The following DOHH variants were observed in gnomAD, a reference collection of about 807,000 sequenced individuals.
The protein encoded by DOHH is deoxyhypusine hydroxylase, also known as HEAT-like (PBS lyase) repeat containing 1.
Under a neutral mutation model 19.9 loss-of-function variants are expected in DOHH, and 16 were observed. The observed-to-expected ratio is 0.80, with a 90% CI of 0.54 to 1.22. DOHH has a LOEUF of 1.22. Ranked by LOEUF, DOHH falls within the 50% of genes most tolerant of loss-of-function variation. DOHH has a pLI of 0.00. For synonymous variants in DOHH, 233 were observed against 217.0 expected (o/e 1.07, Z -0.65); for missense variants, 460 against 460.6 (o/e 1.00, Z 0.01).
At position 3,491,226 on chromosome 19, in the gene DOHH, G is replaced by C. The variant is rs955457796; in HGVS notation, c.*266C>G. ...CCCCTGTCCTGAGCCGGGCATCCCA[G>C]AGCCTCCCGCAGAGTCCCACCCCAA... is the stretch of plus-strand genomic sequence containing the variant. On this transcript the variant is annotated 3_prime_UTR_variant, in exon 5 of 5. Coordinates refer to ENST00000427575, the MANE Select transcript of DOHH (RefSeq NM_001145165.2). The surrounding 1 kb of genome is among the most constrained non-coding windows in gnomAD (Gnocchi z 5.6). The C allele has an allele frequency of 2.4e-5, 13 of 536,202 alleles. No individual in the cohort carries two copies. Among genetic ancestry groups the C allele is most frequent in the Non-Finnish European group, 4.2e-5 (13 of 308,426 alleles). 33.2% of individuals were successfully genotyped at this position (536,202 alleles called of 1,614,324 possible). A position where few individuals can be genotyped will look rare whatever the true frequency, so the allele number is the denominator to read the frequency against.
At chr19:3,495,307 C>T (rs2082900333) in intron 2 of DOHH, among the ~76,000 whole-genome samples, 1 of 152,080 alleles carries the variant, frequency 6.6e-6, no homozygotes, top group Admixed American at 6.6e-5. Context: ...GACAGGGTCT[C>T]ACTCTGTTGC....
In DOHH at chr19:3,492,465, AGCCTGC is replaced by A; in HGVS notation, c.380_385del (p.Arg127_Arg128del). 7.0e-7 allele frequency: 1 copy of A among 1,432,370 alleles called. No individual in the cohort carries two copies. Among genetic ancestry groups the A allele is most frequent in the Non-Finnish European group, 9.1e-7 (1 of 1,099,106 alleles). The allele number at this position is 1,432,370 out of a possible 1,614,324, so 88.7% of individuals were successfully genotyped here. On this transcript the variant is annotated inframe_deletion, in exon 4 of 5. Coordinates refer to ENST00000427575, the MANE Select transcript of DOHH (RefSeq NM_001145165.2). Reference sequence around the variant, plus strand: ...CCCGCCGTGCTGCTGCAGCCACTCCAGCCTGCGCACGGCCAGCTGGCAGGTCTCGGC... The same window carrying A: ...CCCGCCGTGCTGCTGCAGCCACTCCAGCACGGCCAGCTGGCAGGTCTCGGC...
Position 3,496,974 on chromosome 19 carries a change from C to T in DOHH, c.-72-88G>A. 1.1e-6 allele frequency: 1 copy of T among 912,196 alleles called. No individual in the cohort carries two copies. The highest frequency in any genetic ancestry group is 1.5e-6 in the Non-Finnish European group (1 of 679,962). The allele number at this position is 912,196 out of a possible 1,614,324, so 56.5% of individuals were successfully genotyped here. Reference sequence around the variant, plus strand: ...AGGACCTGGGTGGGGCAAATTCCTACCCACTGACCAACCTGAGCATCTACG... The same window carrying T: ...AGGACCTGGGTGGGGCAAATTCCTATCCACTGACCAACCTGAGCATCTACG... On this transcript the variant is annotated intron_variant, in intron 1 of 4. Transcript: ENST00000427575. The surrounding 1 kb of genome is among the most constrained non-coding windows in gnomAD (Gnocchi z 4.8).
At chr19:3,495,942 T>C (rs1176499983) in intron 2 of DOHH, among the ~76,000 whole-genome samples, 1 of 152,020 alleles carries the variant, frequency 6.6e-6, no homozygotes, top group Non-Finnish European at 1.5e-5. Context: ...AAACAAAAAA[T>C]CAAAGGGATA....
chr19:3,493,597 C>A (rs8108177), intron 3 of DOHH, among the ~76,000 whole-genome samples: 44 of 150,304 alleles, frequency 2.9e-4, no homozygotes, highest in Non-Finnish European at 5.3e-4. Flanking sequence ...GGCGACAGAG[C>A]GAGACACCGT....
Position 3,491,506 on chromosome 19 carries a change from C to G in DOHH, c.895G>C (p.Gly299Arg). ...AGGGTGGGGCCCTAGGAGGGGGCCC[C>G]GCGCAGCTGCTCCAGGCCGTCCGCG... ...QYADGLEQLR[G>R]APS Residue 299 changes from glycine (G) to arginine (R), a missense_variant, in exon 5 of 5, where the codon GGG (glycine) becomes CGG (arginine). By Grantham distance (125) the Gly-to-Arg change is moderately radical (BLOSUM62 -2). Transcript: ENST00000427575. The surrounding 1 kb of genome is among the most constrained non-coding windows in gnomAD (Gnocchi z 5.6). 6.5e-7 allele frequency: 1 copy of G among 1,534,232 alleles called. No individual in the cohort carries two copies. Among genetic ancestry groups the G allele is most frequent in the Non-Finnish European group, 8.7e-7 (1 of 1,146,312 alleles).
intron 1 of DOHH, among the ~76,000 whole-genome samples, chr19:3,497,222 T>C (rs1474165863): frequency 6.6e-6 from 1 of 152,090 alleles, no homozygotes; most frequent in Non-Finnish European, 1.5e-5. Flanking sequence ...CCCCACCCAA[T>C]ATTCAAGGCT....
intron 3 of DOHH, among the ~76,000 whole-genome samples, chr19:3,493,392 G>A (rs539982024): frequency 6.6e-6 from 1 of 152,314 alleles, no homozygotes; most frequent in African/African-American, 2.4e-5. Flanking sequence ...GGTGGATCAC[G>A]AGGTCAGGAG....
intron 1 of DOHH, among the ~76,000 whole-genome samples, chr19:3,498,717 A>G (rs2082928095): frequency 1.3e-5 from 2 of 152,098 alleles, no homozygotes; most frequent in Admixed American, 6.5e-5. Context: ...TAACGAAGGA[A>G]TTCTTAATGT....
intron 2 of DOHH, among the ~76,000 whole-genome samples, chr19:3,495,130 C>T (rs1013352661): frequency 2.0e-5 from 3 of 152,074 alleles, no homozygotes; most frequent in Non-Finnish European, 2.9e-5. Flanking sequence ...CCGGCCACCA[C>T]GCCCAGCTAC....
intron 3 of DOHH, among the ~76,000 whole-genome samples, chr19:3,493,047 C>G (rs556053984): frequency 2.6e-5 from 4 of 152,220 alleles, no homozygotes; most frequent in African/African-American, 9.7e-5. Flanking sequence ...CATGCATGTC[C>G]GTGGCGGCAT....
Position 3,494,031 on chromosome 19 carries a change from G to A in DOHH, c.348C>T (p.Ile116=). The A allele has an allele frequency of 1.2e-6, 2 of 1,613,054 alleles. No individual in the cohort carries two copies. Among genetic ancestry groups the A allele is most frequent in the Non-Finnish European group, 1.7e-6 (2 of 1,179,396 alleles). The change falls in exon 3 of 5, where the codon ATC becomes ATT. Residue 116 remains isoleucine (I), a synonymous_variant. Coordinates refer to ENST00000427575, the MANE Select transcript of DOHH (RefSeq NM_001145165.2). ...AGACAAGCAGGGGCCTGGTTACCTC[G>A]ATGACGGGGTCCGAGGAATACTGCT... ...ILKQYSSDPV[I]EVAETCQLAV... is the part of the protein sequence containing the mutation.
Position 3,491,135 on chromosome 19 carries a change from C to A in DOHH, c.*357G>T. 2.8e-6 allele frequency: 1 copy of A among 355,842 alleles called. No homozygotes were observed. Among genetic ancestry groups the A allele is most frequent in the Non-Finnish European group, 5.1e-6 (1 of 195,748 alleles). The allele number at this position is 355,842 out of a possible 1,614,324, so 22.0% of individuals were successfully genotyped here. On this transcript the variant is annotated 3_prime_UTR_variant, in exon 5 of 5. Transcript: ENST00000427575. This position sits in a 1 kb window ranked among gnomAD's most constrained non-coding sequence, Gnocchi z 5.6. ...CCCTGGCTTCCCTCGCGATCCTCCC[C>A]TGGCTTCCCTCGCGATCCTCCCCTG... is the stretch of plus-strand genomic sequence containing the variant.
chr19:3,497,025 A>C, intron 1 of DOHH, 139 bp from the exon 2 acceptor site: 1 of 517,206 alleles, frequency 1.9e-6, no homozygotes, highest in Non-Finnish European at 3.0e-6. Flanking sequence ...CAACCTCCCT[A>C]CTAGCTGTGC....
Position 3,492,322 on chromosome 19 carries a change from G to A in DOHH, c.529C>T (p.Arg177Cys), listed in dbSNP as rs770738930. 4 of 1,543,988 alleles carry A rather than the reference G, an allele frequency of 2.6e-6. No individual in the cohort carries two copies. The highest frequency in any genetic ancestry group is 2.4e-5 in the South Asian group (2 of 84,176). The change falls in exon 4 of 5, where the codon CGC becomes TGC. Residue 177 changes from arginine to cysteine, a missense_variant. Coordinates refer to ENST00000427575, the MANE Select transcript of DOHH (RefSeq NM_001145165.2). The part of the protein sequence containing the change: ...DESRPLFERY[R>C]AMFALRNAGG... ...GCGTTGCGCAGGGCGAACATGGCGC[G>A]GTATCGCTCGAAGAGCGGCCGGGAC...
At chr19:3,495,049 T>C (rs562906809) in intron 2 of DOHH, among the ~76,000 whole-genome samples, 98 of 152,144 alleles carry the variant, frequency 6.4e-4, no homozygotes, top group African/African-American at 2.3e-3. Flanking sequence ...CTCCACTCAC[T>C]GAAAACTCCG....
Position 3,491,933 on chromosome 19 carries a change from A to C in DOHH, c.590-122T>G. On this transcript the variant is annotated intron_variant, in intron 4 of 4. Coordinates refer to ENST00000427575, the MANE Select transcript of DOHH (RefSeq NM_001145165.2). The surrounding 1 kb of genome is among the most constrained non-coding windows in gnomAD (Gnocchi z 5.6). Reference sequence around the variant, plus strand: ...GTCACAAAGTCCTGGCGATCTTCCCATCCCGGCCTCCCAAAGTGCTGGGAC... The same window carrying C: ...GTCACAAAGTCCTGGCGATCTTCCCCTCCCGGCCTCCCAAAGTGCTGGGAC... 8.9e-7 allele frequency: 1 copy of C among 1,123,386 alleles called. No individual in the cohort carries two copies. The highest frequency in any genetic ancestry group is 1.2e-6 in the Non-Finnish European group (1 of 838,094). 69.6% of individuals were successfully genotyped at this position (1,123,386 alleles called of 1,614,324 possible).
At position 3,492,346 on chromosome 19, in the gene DOHH, A is replaced by G; in HGVS notation, c.505T>C (p.Ser169Pro). The change falls in exon 4 of 5, where the codon TCC becomes CCC. Residue 169 changes from serine to proline, a missense_variant. Transcript: ENST00000427575. Reference protein sequence around the residue: ...GRLREALLDESRPLFERYRAM... With the variant: ...GRLREALLDEPRPLFERYRAM... ...CGGTATCGCTCGAAGAGCGGCCGGGACTCATCCAGCAGCGCCTCCCGCAGG... is the reference window on the plus strand; with the variant it reads ...CGGTATCGCTCGAAGAGCGGCCGGGGCTCATCCAGCAGCGCCTCCCGCAGG... 3 of 1,544,212 alleles carry G rather than the reference A, an allele frequency of 1.9e-6. No individual in the cohort carries two copies. The highest frequency in any genetic ancestry group is 2.6e-6 in the Non-Finnish European group (3 of 1,152,216).
chr19:3,492,425 T>C lies in DOHH; in HGVS notation c.426A>G (p.Gly142=), dbSNP rs1049564431. The C allele has an allele frequency of 6.7e-7, 1 of 1,497,588 alleles. No individual in the cohort carries two copies. The highest frequency in any genetic ancestry group is 8.9e-7 in the Non-Finnish European group (1 of 1,129,918). The allele number at this position is 1,497,588 out of a possible 1,614,324, so 92.8% of individuals were successfully genotyped here. The change falls in exon 4 of 5, where the codon GGA becomes GGG. Residue 142 remains glycine, a synonymous_variant. Coordinates refer to ENST00000427575, the MANE Select transcript of DOHH (RefSeq NM_001145165.2). ...GGGCAGGGTCCACGGAGAGGTAGGG[T>C]CCCGCCGCCGGCTCCCCGCCGTGCT... ...LQQHGGEPAA[G]PYLSVDPAPP... is the part of the protein sequence containing the mutation.
Sources: allele counts gnomAD v4.1 joint callset (sites outside exome capture counted in the v4.1 genomes callset), GRCh38; gene constraint gnomAD v4.1.1; non-coding constraint Gnocchi (gnomAD v3.1); transcripts MANE v1.5; gene names NCBI Gene and HGNC (gene_info 2026-07-23, HGNC 2026-07-21).